Variants in ST3GAL3 observed in about 807,000 individuals in gnomAD.
ST3GAL3 encodes CMP-N-acetylneuraminate-beta-1,4-galactoside alpha-2,3-sialyltransferase.
Under a neutral mutation model 50.1 loss-of-function variants are expected in ST3GAL3, and 21 were observed. That is an observed-to-expected ratio of 0.42 (90% CI 0.30 to 0.60). The LOEUF is 0.60. Ranked by LOEUF, ST3GAL3 falls within the 20% of genes least tolerant of loss-of-function variation. The probability of loss-of-function intolerance (pLI) is 0.19; values close to 1 mark genes in which losing one functional copy is unlikely to be tolerated. For synonymous variants in ST3GAL3, 183 were observed against 190.0 expected, an observed-to-expected ratio of 0.96 and a Z score of 0.30; for missense variants, 353 against 489.4, an observed-to-expected ratio of 0.72 and a Z score of 2.63.
intron 9 of ST3GAL3, among the ~76,000 whole-genome samples, chr1:43,910,260 G>A (rs1393444965): frequency 2.0e-5 from 3 of 152,218 alleles, no homozygotes; most frequent in Non-Finnish European, 4.4e-5. Flanking sequence ...GTCCTGCCGA[G>A]GGTGTGGGCA....
chr1:43,820,395 A>G (rs2061945500), intron 4 of ST3GAL3, among the ~76,000 whole-genome samples: 1 of 152,218 alleles, frequency 6.6e-6, no homozygotes, highest in Non-Finnish European at 1.5e-5. Context: ...TGGCTTTGGC[A>G]AAGAATTTAT....
chr1:43,719,181 A>G (rs1669040540), intron 1 of ST3GAL3: 1 of 152,218 alleles, frequency 6.6e-6, no homozygotes, highest in African/African-American at 2.4e-5. Context: ...ATAAGGTTTA[A>G]TGTAAGAATT....
At chr1:43,770,401 G>T (rs1694705296) in intron 2 of ST3GAL3, among the ~76,000 whole-genome samples, 2 of 152,090 alleles carry the variant, frequency 1.3e-5, no homozygotes, top group South Asian at 4.1e-4. Context: ...ACATAGGAGG[G>T]AAGGAAGGGT....
intron 5 of ST3GAL3, chr1:43,858,322 A>G: frequency 7.9e-7 from 1 of 1,259,860 alleles, no homozygotes. Context: ...GGGCTTCGGC[A>G]GCAAGACCAG....
intron 2 of ST3GAL3, among the ~76,000 whole-genome samples, chr1:43,776,492 T>G (rs879271043): frequency 6.6e-6 from 1 of 152,158 alleles, no homozygotes; most frequent in Admixed American, 6.5e-5. Flanking sequence ...TGGATGATAT[T>G]TAGGTTACTT....
chr1:43,872,034 T>G (rs1040474568), intron 5 of ST3GAL3, among the ~76,000 whole-genome samples: 1 of 2,488 alleles, frequency 4.0e-4, no homozygotes, highest in African/African-American at 2.5e-3. Context: ...GAGGAGGGGG[T>G]GAGGGTAGGA....
In ST3GAL3 at chr1:43,875,932, CTTCTTCTTCTTCTTCTTCTTATTATTA is replaced by C. The variant is rs1431721845; in HGVS notation, c.303-18448_303-18422del. Among the ~76,000 whole-genome samples, 497 of 71,902 alleles carry C rather than the reference CTTCTTCTTCTTCTTCTTCTTATTATTA, an allele frequency of 6.9e-3. 2 individuals carry two copies. The highest frequency in any genetic ancestry group is 0.027 in the African/African-American group (406 of 15,048). The allele number at this position is 71,902 out of a possible 152,430, so 47.2% of individuals were successfully genotyped here. ...TCTTCTTCTTCTTCTTCTTCTTCTTCTTCTTCTTCTTCTTCTTCTTATTATTATTATTATTATTATTATTATTATTTT... is the reference window on the plus strand; with the variant it reads ...TCTTCTTCTTCTTCTTCTTCTTCTTCTTATTATTATTATTATTATTATTTT... On this transcript the variant is annotated intron_variant, in intron 5 of 11. Coordinates refer to ENST00000347631, the MANE Select transcript of ST3GAL3 (RefSeq NM_006279.5).
chr1:43,817,534 CTCCTTCTCCTT>C (rs2061433786), intron 4 of ST3GAL3, among the ~76,000 whole-genome samples: 1 of 141,024 alleles, frequency 7.1e-6, no homozygotes, highest in Non-Finnish European at 1.6e-5. Flanking sequence ...CTTCCTTCTT[CTCCTTCTCCTT>C]CTTCTTCTTC....
intron 5 of ST3GAL3, among the ~76,000 whole-genome samples, chr1:43,884,256 G>A (rs1286313947): frequency 2.0e-5 from 3 of 152,152 alleles, no homozygotes; most frequent in Admixed American, 6.5e-5. Context: ...CCTGATGTTT[G>A]TCTCTTTACC....
chr1:43,928,688 C>T (rs915497525), intron 11 of ST3GAL3, among the ~76,000 whole-genome samples: 2 of 151,956 alleles, frequency 1.3e-5, no homozygotes, highest in African/African-American at 4.8e-5. Flanking sequence ...GCAGGTGGAT[C>T]ACCTGAGGTC....
intron 2 of ST3GAL3, among the ~76,000 whole-genome samples, chr1:43,775,568 A>G (rs1259803382): frequency 6.6e-6 from 1 of 152,188 alleles, no homozygotes; most frequent in Non-Finnish European, 1.5e-5. Flanking sequence ...CTCCTGACTT[A>G]TAAATGTTAA....
intron 2 of ST3GAL3, among the ~76,000 whole-genome samples, chr1:43,767,351 T>C (rs1572458005): frequency 6.6e-6 from 1 of 152,096 alleles, no homozygotes; most frequent in East Asian, 1.9e-4. Flanking sequence ...CTCTGGGGGA[T>C]GGTACTCCCT....
Position 43,760,844 on chromosome 1 carries a change from TAAA to T in ST3GAL3, c.118+24469_118+24471del, listed in dbSNP as rs991726200. 4.6e-5 allele frequency among the ~76,000 whole-genome samples: 7 copies of T among 151,456 alleles called. No individual in the cohort carries two copies. In the East Asian group the frequency reaches 1.2e-3, roughly 25 times the overall value. Reference sequence around the variant, plus strand: ...ACACAACAGCTGAAGAAGGGATAAATAAAAAAATAAAATGTGGTATATCCAAAC... The same window carrying T: ...ACACAACAGCTGAAGAAGGGATAAATAAAATAAAATGTGGTATATCCAAAC... On this transcript the variant is annotated intron_variant, in intron 2 of 11. Transcript: ENST00000347631.
intron 5 of ST3GAL3, among the ~76,000 whole-genome samples, chr1:43,862,062 C>G (rs562204704): frequency 5.9e-5 from 9 of 151,888 alleles, no homozygotes; most frequent in African/African-American, 2.2e-4. Context: ...ACAACTACTG[C>G]TTTTACTTCA....
intron 5 of ST3GAL3, among the ~76,000 whole-genome samples, chr1:43,882,325 T>C (rs760263249): frequency 3.3e-5 from 5 of 152,090 alleles, no homozygotes; most frequent in African/African-American, 1.2e-4. Context: ...TGTACGGGGC[T>C]AAAGCATAGG....
At chr1:43,848,099 T>G (rs944480072) in intron 5 of ST3GAL3, among the ~76,000 whole-genome samples, 8 of 152,116 alleles carry the variant, frequency 5.3e-5, no homozygotes, top group Admixed American at 1.3e-4. Flanking sequence ...CTGTTCTCAC[T>G]TCCACCACCC....
chr1:43,898,235 A>T lies in ST3GAL3; in HGVS notation c.398A>T (p.Asp133Val). Residue 133 changes from aspartate (D) to valine (V), a missense_variant and splice_region_variant, in exon 7 of 12, where the codon GAC becomes GTC. Asp to Val is a radical substitution (Grantham distance 152). Coordinates refer to ENST00000347631, the MANE Select transcript of ST3GAL3 (RefSeq NM_006279.5). ...AGAAACCTCTCTCCTCTGTCTGCAG[A>T]CAATCTGATCAAAGCCATCTTGTCA... ...FVPPFGIKGQ[D>V]NLIKAILSVT... The T allele has an allele frequency of 6.2e-7, 1 of 1,613,936 alleles. No individual in the cohort carries two copies. The highest frequency in any genetic ancestry group is 8.5e-7 in the Non-Finnish European group (1 of 1,180,004).
chr1:43,893,434 A>G (rs1405172888), intron 5 of ST3GAL3, among the ~76,000 whole-genome samples: 1 of 152,204 alleles, frequency 6.6e-6, no homozygotes, highest in Non-Finnish European at 1.5e-5. Context: ...GTTCCCTGAA[A>G]AGGGCCTTCA....
At chr1:43,774,858 T>A (rs1194209762) in intron 2 of ST3GAL3, among the ~76,000 whole-genome samples, 3 of 152,196 alleles carry the variant, frequency 2.0e-5, no homozygotes, top group Non-Finnish European at 4.4e-5. Context: ...AAAGACATTA[T>A]GTGTCACCTC....
Sources: gnomAD v4.1 joint callset for allele counts (sites outside exome capture counted in the v4.1 genomes callset) on GRCh38, gnomAD v4.1.1 for gene constraint, MANE v1.5 for transcripts, NCBI Gene and HGNC (gene_info 2026-07-23, HGNC 2026-07-21) for gene names.